Variants in LRRC3B observed in about 807,000 individuals in gnomAD.
The protein encoded by LRRC3B is leucine rich repeat containing 3B, also known as leucine-rich repeat-containing protein 3B.
In LRRC3B, 2 loss-of-function variants were observed where a neutral mutation model predicts 12.8. The ratio of observed to expected loss-of-function variants is 0.16; its 90% confidence interval spans 0.06 to 0.49. The LOEUF (loss-of-function observed/expected upper bound fraction) is 0.49, where lower values mean the gene tolerates loss of function less well. LRRC3B is among the 20% of genes least tolerant of loss of function. The pLI is 0.96. For synonymous variants in LRRC3B, 132 were observed against 122.0 expected (o/e 1.08, Z -0.54); for missense variants, 189 against 319.4 (o/e 0.59, Z 3.11).
At chr3:26,685,840 G>C (rs1046185404) in intron 1 of LRRC3B, among the ~76,000 whole-genome samples, 5 of 151,852 alleles carry the variant, frequency 3.3e-5, no homozygotes, top group Non-Finnish European at 5.9e-5. Flanking sequence ...TAGTGGTTCA[G>C]TGGGGGCACA....
intron 1 of LRRC3B, among the ~76,000 whole-genome samples, chr3:26,671,443 G>A (rs1342992242): frequency 1.4e-5 from 2 of 139,750 alleles, no homozygotes; most frequent in East Asian, 4.7e-4. Context: ...CCAGGCTGGA[G>A]TGCAGTGGCA....
In LRRC3B at chr3:26,633,764, G is replaced by A. The variant is rs76752596; in HGVS notation, c.-161+10527G>A. Reference sequence around the variant, plus strand: ...TAGGGTTTTATGCAGCTGAGCATGAGGTCACAGACAGAGGACATCTTTGAT... The same window carrying A: ...TAGGGTTTTATGCAGCTGAGCATGAAGTCACAGACAGAGGACATCTTTGAT... On this transcript the variant is annotated intron_variant, in intron 1 of 1. Transcript: ENST00000396641. Among the ~76,000 whole-genome samples the A allele has an allele frequency of 1.3e-3, 202 of 152,304 alleles. 7 individuals are homozygous for A. In the East Asian group the frequency reaches 0.028, roughly 21 times the overall value.
chr3:26,703,236 A>G (rs1384099230), intron 1 of LRRC3B, among the ~76,000 whole-genome samples: 1 of 152,226 alleles, frequency 6.6e-6, no homozygotes, highest in African/African-American at 2.4e-5. Context: ...CATATAAATA[A>G]ATAATATCTA....
At chr3:26,668,380 C>T (rs1699652422) in intron 1 of LRRC3B, among the ~76,000 whole-genome samples, 2 of 152,032 alleles carry the variant, frequency 1.3e-5, no homozygotes, top group African/African-American at 4.8e-5. Flanking sequence ...CATGAAATTG[C>T]CCAATGGGAC....
At chr3:26,678,587 G>A (rs1404349923) in intron 1 of LRRC3B, among the ~76,000 whole-genome samples, 1 of 152,058 alleles carries the variant, frequency 6.6e-6, no homozygotes, top group Non-Finnish European at 1.5e-5. Flanking sequence ...TATACCCAAG[G>A]TTTGTACCTA....
intron 1 of LRRC3B, among the ~76,000 whole-genome samples, chr3:26,671,117 G>A (rs1173619202): frequency 3.7e-4 from 49 of 134,066 alleles, no homozygotes; most frequent in Admixed American, 7.9e-4. Flanking sequence ...CCGGGTTCAC[G>A]CCATTCTCCT....
chr3:26,685,519 CTCTCTATATATATATA>C (rs1268531526), intron 1 of LRRC3B, among the ~76,000 whole-genome samples: 34 of 47,776 alleles, frequency 7.1e-4, no homozygotes, highest in South Asian at 1.7e-3. Context: ...CTCTCTCTCT[CTCTCTATATATATATA>C]TATATATATA....
intron 1 of LRRC3B, among the ~76,000 whole-genome samples, chr3:26,655,042 C>A (rs987687119): frequency 1.3e-5 from 2 of 152,072 alleles, no homozygotes; most frequent in Non-Finnish European, 2.9e-5. Context: ...ATTTATCAAT[C>A]TACTTATTTA....
intron 1 of LRRC3B, among the ~76,000 whole-genome samples, chr3:26,653,230 T>C (rs2125416314): frequency 6.6e-6 from 1 of 151,584 alleles, no homozygotes. Context: ...AGGGAAAAAA[T>C]ATTAGTAGGA....
intron 1 of LRRC3B, among the ~76,000 whole-genome samples, chr3:26,671,411 G>GAGAGAC (rs1553603759): frequency 7.5e-6 from 1 of 132,856 alleles, no homozygotes; most frequent in Non-Finnish European, 1.6e-5. Context: ...GAGAGAGAGA[G>GAGAGAC]AGACGAAGTC....
chr3:26,662,454 C>A (rs1457827813), intron 1 of LRRC3B, among the ~76,000 whole-genome samples: 1 of 152,098 alleles, frequency 6.6e-6, no homozygotes, highest in Non-Finnish European at 1.5e-5. Context: ...TTAACTTCCT[C>A]CTACTCCTGC....
chr3:26,694,976 C>T (rs372178451), intron 1 of LRRC3B, among the ~76,000 whole-genome samples: 10 of 152,232 alleles, frequency 6.6e-5, no homozygotes, highest in African/African-American at 2.4e-4. Context: ...ACCCCCAGAA[C>T]CGTCCCCTAA....
intron 1 of LRRC3B, among the ~76,000 whole-genome samples, chr3:26,630,044 C>G (rs908105181): frequency 6.7e-6 from 1 of 148,336 alleles, no homozygotes; most frequent in African/African-American, 2.5e-5. Context: ...TAAGAGATAT[C>G]TGATAGTAAA....
At chr3:26,661,469 T>C (rs1027421813) in intron 1 of LRRC3B, among the ~76,000 whole-genome samples, 23 of 152,300 alleles carry the variant, frequency 1.5e-4, no homozygotes, top group African/African-American at 5.3e-4. Flanking sequence ...TATGTAGTTG[T>C]CGTGAATTGT....
At chr3:26,648,317 G>A (rs1454875531) in intron 1 of LRRC3B, among the ~76,000 whole-genome samples, 4 of 152,030 alleles carry the variant, frequency 2.6e-5, no homozygotes, top group Non-Finnish European at 5.9e-5. Flanking sequence ...ATCAGACAGC[G>A]ATTGGCACTG....
intron 1 of LRRC3B, among the ~76,000 whole-genome samples, chr3:26,705,904 G>C (rs748691769): frequency 1.3e-5 from 2 of 152,126 alleles, no homozygotes; most frequent in Non-Finnish European, 2.9e-5. Context: ...TCATAGAGTG[G>C]AGAGCAGCTC....
chr3:26,642,187 C>T (rs559250385), intron 1 of LRRC3B, among the ~76,000 whole-genome samples: 2 of 152,300 alleles, frequency 1.3e-5, no homozygotes, highest in East Asian at 1.9e-4. Flanking sequence ...TCAGAAAACT[C>T]CACTGTATGT....
chr3:26,636,313 A>T (rs539072865), intron 1 of LRRC3B, among the ~76,000 whole-genome samples: 1 of 152,042 alleles, frequency 6.6e-6, no homozygotes, highest in South Asian at 2.1e-4. Context: ...GCAGGTTGCC[A>T]TAGAAGGATG....
chr3:26,631,416 C>G (rs1698754353), intron 1 of LRRC3B, among the ~76,000 whole-genome samples: 1 of 152,166 alleles, frequency 6.6e-6, no homozygotes, highest in Non-Finnish European at 1.5e-5. Flanking sequence ...TCCCAGTTAT[C>G]AGGAAATGGC....
Sources: allele counts gnomAD v4.1 joint callset (sites outside exome capture counted in the v4.1 genomes callset), GRCh38; gene constraint gnomAD v4.1.1; transcripts MANE v1.5; gene names NCBI Gene and HGNC (gene_info 2026-07-23, HGNC 2026-07-21).